The following SLC6A20 variants were observed in gnomAD, a reference collection of about 807,000 sequenced individuals.
SLC6A20 encodes the protein sodium- and chloride-dependent transporter XTRP3.
A neutral mutation model predicts 64.3 loss-of-function variants in SLC6A20; 73 were observed. The ratio of observed to expected loss-of-function variants is 1.14; its 90% confidence interval spans 0.94 to 1.38. SLC6A20 has a LOEUF of 1.38. Ranked by LOEUF, SLC6A20 falls within the 40% of genes most tolerant of loss-of-function variation. The pLI, the probability that SLC6A20 is intolerant of heterozygous loss-of-function variation, is 0.00. For missense variants in SLC6A20, 725 were observed against 772.8 expected (o/e 0.94, Z 0.73); for synonymous variants, 347 against 329.6 (o/e 1.05, Z -0.57).
At chr3:45,760,762 A>C (rs1699662592) in intron 9 of SLC6A20, among the ~76,000 whole-genome samples, 1 of 152,272 alleles carries the variant, frequency 6.6e-6, no homozygotes, top group Non-Finnish European at 1.5e-5. Context: ...ATACACGTAC[A>C]CAGTATAAAA....
In SLC6A20 at chr3:45,775,909, G is replaced by A; in HGVS notation, c.434C>T (p.Thr145Ile). The part of the protein sequence containing the change: ...YDEECEKASS[T>I]QYFWYRKTLN... ...GGTTTTCCTGTACCAGAAGTACTGT[G>A]TGGAGGACGCCTTCTCACACTCCTC... Residue 145 changes from threonine to isoleucine, a missense_variant, in exon 4 of 11, where the codon ACA becomes ATA. Coordinates refer to ENST00000358525, the MANE Select transcript of SLC6A20 (RefSeq NM_020208.4). The A allele has an allele frequency of 6.2e-7, 1 of 1,614,236 alleles. No homozygotes were observed. The highest frequency in any genetic ancestry group is 8.5e-7 in the Non-Finnish European group (1 of 1,180,046).
chr3:45,790,721 C>T (rs1243246610), intron 1 of SLC6A20, among the ~76,000 whole-genome samples: 1 of 152,212 alleles, frequency 6.6e-6, no homozygotes, highest in Non-Finnish European at 1.5e-5. Context: ...CTCTGTAAAC[C>T]ACAGCTCTGA....
Position 45,782,155 on chromosome 3 carries a change from C to G in SLC6A20, c.190G>C (p.Ala64Pro). 1 of 1,613,818 alleles carries G rather than the reference C, an allele frequency of 6.2e-7. No individual in the cohort carries two copies. Residue 64 changes from alanine to proline, a missense_variant, in exon 2 of 11, where the codon GCT becomes CCT. Transcript: ENST00000358525. The part of the protein sequence containing the change: ...EGMPLLYLEL[A>P]VGQRMRQGSI... ...CCCTGCCGCATGCGCTGCCCCACAG[C>G]CAGTTCCAGGTACAAGAGCGGCATT...
chr3:45,773,228 G>A (rs1014982209), intron 4 of SLC6A20, among the ~76,000 whole-genome samples: 1 of 152,184 alleles, frequency 6.6e-6, no homozygotes, highest in Non-Finnish European at 1.5e-5. Flanking sequence ...GGAAAGCAGC[G>A]AGGTGTAGCG....
intron 1 of SLC6A20, among the ~76,000 whole-genome samples, chr3:45,793,289 T>C (rs1488974782): frequency 6.6e-6 from 1 of 152,190 alleles, no homozygotes; most frequent in Non-Finnish European, 1.5e-5. Flanking sequence ...ACACAACTGT[T>C]CTCATCTCTC....
intron 4 of SLC6A20, among the ~76,000 whole-genome samples, chr3:45,774,462 C>T (rs542406812): frequency 2.0e-5 from 3 of 152,152 alleles, no homozygotes; most frequent in Non-Finnish European, 4.4e-5. Context: ...GAGTGGGCTG[C>T]TGCAGGTTCT....
Position 45,772,604 on chromosome 3 carries a change from G to A in SLC6A20, c.594C>T (p.Phe198=), listed in dbSNP as rs200143318. 991 of 1,613,622 alleles carry A rather than the reference G, an allele frequency of 6.1e-4. 1 individual carries two copies. Among genetic ancestry groups the A allele is most frequent in the Non-Finnish European group, 7.7e-4 (905 of 1,179,840 alleles). ...GTESTGKVVY[F]TASLPYCVLI... ...GCACGCAATAGGGCAGTGACGCCGT[G>A]AAATACACCACCTGCGGGCATCAGA... is the stretch of plus-strand genomic sequence containing the variant. Residue 198 remains phenylalanine, a synonymous_variant, in exon 5 of 11, where the codon TTC becomes TTT. Transcript: ENST00000358525.
chr3:45,784,226 AAAC>A (rs1700139106), intron 1 of SLC6A20, among the ~76,000 whole-genome samples: 1 of 152,206 alleles, frequency 6.6e-6, no homozygotes, highest in Non-Finnish European at 1.5e-5. Context: ...CCTATCAAAT[AAAC>A]ACATAATCTG....
At position 45,782,207 on chromosome 3, in the gene SLC6A20, G is replaced by A. The variant is rs1012557544; in HGVS notation, c.138C>T (p.Pro46=). 2 of 1,613,270 alleles carry A rather than the reference G, an allele frequency of 1.2e-6. No homozygotes were observed. Among genetic ancestry groups the A allele is most frequent in the Non-Finnish European group, 1.7e-6 (2 of 1,179,594 alleles). The change falls in exon 2 of 11, where the codon CCC becomes CCT. Residue 46 remains proline, a synonymous_variant. Transcript: ENST00000358525. ...CCTCCACGATAAGCATGATGATGTA[G>A]GGGACCAGGAAACTACCTGTGGATG... The part of the protein sequence containing the change: ...QMYGGGSFLV[P]YIIMLIVEGM...
chr3:45,785,019 C>T (rs1380997923), intron 1 of SLC6A20, among the ~76,000 whole-genome samples: 2 of 152,246 alleles, frequency 1.3e-5, no homozygotes, highest in Non-Finnish European at 2.9e-5. Context: ...CTAATCACCT[C>T]TTAATGGTCC....
chr3:45,770,181 A>G, intron 7 of SLC6A20, 28 bp downstream of exon 7: 1 of 1,613,574 alleles, frequency 6.2e-7, no homozygotes, highest in South Asian at 1.1e-5. Flanking sequence ...GAGAGAAGCC[A>G]GTCCTTGACC....
At chr3:45,766,367 C>G (rs1371169645) in intron 7 of SLC6A20, among the ~76,000 whole-genome samples, 10 of 152,224 alleles carry the variant, frequency 6.6e-5, no homozygotes, top group Non-Finnish European at 4.4e-5. Flanking sequence ...AGAAGCCCCC[C>G]CACCCGGTTT....
chr3:45,766,112 C>T (rs555247224), intron 7 of SLC6A20, among the ~76,000 whole-genome samples: 137 of 152,202 alleles, frequency 9.0e-4, no homozygotes, highest in Admixed American at 1.4e-3. Context: ...GGAGGGAGGG[C>T]GGGGCCAGGG....
intron 1 of SLC6A20, 92 bp downstream of exon 1, chr3:45,796,207 G>A (rs773587478): frequency 1.1e-5 from 17 of 1,518,168 alleles, no homozygotes; most frequent in Admixed American, 1.0e-4. Flanking sequence ...GCCTCAGTGT[G>A]CCGTTCTGTA....
intron 1 of SLC6A20, among the ~76,000 whole-genome samples, chr3:45,783,540 T>C (rs1045919996): frequency 6.6e-6 from 1 of 152,238 alleles, no homozygotes; most frequent in Non-Finnish European, 1.5e-5. Flanking sequence ...AGAATGCATT[T>C]AATCAATTGT....
intron 1 of SLC6A20, 68 bp downstream of exon 1, chr3:45,796,231 C>G: frequency 1.9e-6 from 3 of 1,547,192 alleles, no homozygotes; most frequent in Non-Finnish European, 2.6e-6. Flanking sequence ...TGGGTCTAAC[C>G]CCGGCTCGCA....
rs1027236166 is a variant in SLC6A20 at position 45,755,551 on chromosome 3, C to G, written c.*3427G>C. The G allele has an allele frequency of 6.6e-6, 1 of 152,592 alleles. No individual in the cohort carries two copies. Among genetic ancestry groups the G allele is most frequent in the Admixed American group, 6.5e-5 (1 of 15,288 alleles). The allele number at this position is 152,592 out of a possible 1,614,324, so 9.5% of individuals were successfully genotyped here. On this transcript the variant is annotated 3_prime_UTR_variant, in exon 11 of 11. Coordinates refer to ENST00000358525, the MANE Select transcript of SLC6A20 (RefSeq NM_020208.4). ...AGCTAAATCAAGGTTTGCTATGTTT[C>G]CAGTAAAAACAGAAAGCTTTCCGGA... is the stretch of plus-strand genomic sequence containing the variant.
At chr3:45,787,320 C>T (rs72893642) in intron 1 of SLC6A20, among the ~76,000 whole-genome samples, 2,152 of 152,304 alleles carry the variant, frequency 0.014, 60 homozygotes, top group African/African-American at 0.047. Context: ...TCTTTCAGTG[C>T]TCTGCCCAGA....
intron 1 of SLC6A20, among the ~76,000 whole-genome samples, chr3:45,794,202 T>C (rs373921189): frequency 1.3e-5 from 2 of 152,082 alleles, no homozygotes; most frequent in African/African-American, 2.4e-5. Flanking sequence ...GGAGGAAATA[T>C]CTTGTGTGAA....
Sources: gnomAD v4.1 joint callset for allele counts (sites outside exome capture counted in the v4.1 genomes callset) on GRCh38, gnomAD v4.1.1 for gene constraint, MANE v1.5 for transcripts, NCBI Gene and HGNC (gene_info 2026-07-23, HGNC 2026-07-21) for gene names.